The following PIEZO2 variants were observed in gnomAD, a reference collection of about 807,000 sequenced individuals.
The protein encoded by PIEZO2 is piezo type mechanosensitive ion channel component 2.
PIEZO2 carries 172 observed loss-of-function variants against 337.3 expected under a neutral mutation model. That is an observed-to-expected ratio of 0.51 (90% CI 0.45 to 0.58). The LOEUF (loss-of-function observed/expected upper bound fraction) is 0.58, where lower values mean the gene tolerates loss of function less well. Among genes scored for constraint, PIEZO2 ranks in the 20% least tolerant of loss-of-function variants. The probability of loss-of-function intolerance (pLI) is 0.00; values close to 1 mark genes in which losing one functional copy is unlikely to be tolerated. For synonymous variants in PIEZO2, 1,251 were observed against 1,228.5 expected (o/e 1.02, Z -0.38); for missense variants, 3,028 against 3,391.3 (o/e 0.89, Z 2.66).
At chr18:10,802,443 T>A (rs186824880) in intron 9 of PIEZO2, among the ~76,000 whole-genome samples, 69 of 152,278 alleles carry the variant, frequency 4.5e-4, no homozygotes, top group Middle Eastern at 6.8e-3. Context: ...ATTAAAAATT[T>A]AAAAAAACCC....
In PIEZO2 at chr18:10,853,874, C is replaced by T. The variant is rs191311066; in HGVS notation, c.917+1479G>A. Among the ~76,000 whole-genome samples the T allele has an allele frequency of 6.6e-6, 1 of 152,278 alleles. No homozygotes were observed. Among genetic ancestry groups the T allele is most frequent in the African/African-American group, 2.4e-5 (1 of 41,552 alleles). On this transcript the variant is annotated intron_variant, in intron 7 of 55. Transcript: ENST00000674853. The surrounding 1 kb of genome is among the most constrained non-coding windows in gnomAD (Gnocchi z 4.2). ...AACCATCATACACCTAAGAAATCAG[C>T]AATAATTCTATAGTCCAATATCCAG...
Position 10,714,863 on chromosome 18 carries a change from T to A in PIEZO2, c.5324A>T (p.Glu1775Val), listed in dbSNP as rs1489310258. The A allele has an allele frequency of 6.5e-7, 1 of 1,537,254 alleles. No individual in the cohort carries two copies. Among genetic ancestry groups the A allele is most frequent in the South Asian group, 1.2e-5 (1 of 84,048 alleles). ...YQNHIMNLSR[E>V]SGLDTIDEHP... ...CTCGTCAATGGTGTCCAGTCCCGAC[T>A]CTCTGGAAAGGTTCATGATGTGGTT... Residue 1775 changes from glutamate (E) to valine (V), a missense_variant, in exon 39 of 56, where the codon GAG (glutamate) becomes GTG (valine). Glu to Val is a moderately radical substitution (Grantham distance 121). Around this residue, in one of 5 missense-constraint regions of PIEZO2, gnomAD observed 1,925 missense variants for 2,051.9 expected, o/e 0.94. Transcript: ENST00000674853.
intron 7 of PIEZO2, among the ~76,000 whole-genome samples, chr18:10,817,486 A>G (rs1313451893): frequency 6.6e-6 from 1 of 152,220 alleles, no homozygotes; most frequent in Non-Finnish European, 1.5e-5. Flanking sequence ...TTTATAAGGC[A>G]CAATCTTGTT....
At position 10,791,260 on chromosome 18, in the gene PIEZO2, T is replaced by C; in HGVS notation, c.1823A>G (p.Gln608Arg). The change falls in exon 14 of 56, where the codon CAA (glutamine) becomes CGA (arginine). Residue 608 changes from glutamine (Q) to arginine (R), a missense_variant. Coordinates refer to ENST00000674853, the MANE Select transcript of PIEZO2 (RefSeq NM_001378183.1). ...RQHLTEQKAL[Q>R]EKEALLSEVK... Reference sequence around the variant, plus strand: ...TTCCGATAAAAGAGCTTCCTTTTCTTGCAGAGCTTTTTGCTCTGTGAGGTG... The same window carrying C: ...TTCCGATAAAAGAGCTTCCTTTTCTCGCAGAGCTTTTTGCTCTGTGAGGTG... The C allele has an allele frequency of 6.5e-7, 1 of 1,536,376 alleles. No homozygotes were observed. Among genetic ancestry groups the C allele is most frequent in the Non-Finnish European group, 8.7e-7 (1 of 1,146,440 alleles).
intron 2 of PIEZO2, among the ~76,000 whole-genome samples, chr18:11,053,453 C>G (rs2037603044): frequency 6.6e-6 from 1 of 152,128 alleles, no homozygotes. Context: ...ATAACAACAG[C>G]CCACTTAAAA....
At chr18:11,124,765 C>T (rs1282119182) in intron 1 of PIEZO2, among the ~76,000 whole-genome samples, 1 of 152,122 alleles carries the variant, frequency 6.6e-6, no homozygotes, top group African/African-American at 2.4e-5. Flanking sequence ...AACTCTGGCC[C>T]CTTTACCTGC....
At chr18:11,022,099 A>G (rs1210524040) in intron 2 of PIEZO2, among the ~76,000 whole-genome samples, 2 of 152,154 alleles carry the variant, frequency 1.3e-5, no homozygotes, top group African/African-American at 4.8e-5. Flanking sequence ...TGCCTAAAAT[A>G]AGGACTACGA....
At position 11,146,850 on chromosome 18, in the gene PIEZO2, A is replaced by G. The variant is rs8096410; in HGVS notation, c.64+1675T>C. Among the ~76,000 whole-genome samples, 4,473 of 152,212 alleles carry G rather than the reference A, an allele frequency of 0.029. 222 individuals carry two copies. Among genetic ancestry groups the G allele is most frequent in the African/African-American group, 0.1 (4,214 of 41,538 alleles). On this transcript the variant is annotated intron_variant, in intron 1 of 55. Transcript: ENST00000674853. The surrounding 1 kb of genome is among the most constrained non-coding windows in gnomAD (Gnocchi z 6.1). ...ATGGGGGATGGGGAAGAGGGTGTCC[A>G]TCCTCCAGGAACAGTGGCGAGGAGG...
intron 1 of PIEZO2, among the ~76,000 whole-genome samples, chr18:11,086,653 A>T (rs1319965427): frequency 6.6e-6 from 1 of 152,236 alleles, no homozygotes; most frequent in Non-Finnish European, 1.5e-5. Flanking sequence ...ACTTATTCTG[A>T]AGGAATTGAT....
chr18:10,726,802 C>T lies in PIEZO2; in HGVS notation c.5029+4605G>A, dbSNP rs2144025371. 1.9e-6 allele frequency: 3 copies of T among 1,553,994 alleles called. No homozygotes were observed. Among genetic ancestry groups the T allele is most frequent in the South Asian group, 1.1e-5 (1 of 88,066 alleles). The stretch of plus-strand genomic sequence containing the variant: ...GTCCTATGAGGATGTGGACCACCTG[C>T]GGCCCCATGGGGTGCTGGATAATAC... On this transcript the variant is annotated intron_variant, in intron 36 of 55. Coordinates refer to ENST00000674853, the MANE Select transcript of PIEZO2 (RefSeq NM_001378183.1). This position sits in a 1 kb window ranked among gnomAD's most constrained non-coding sequence, Gnocchi z 5.9.
chr18:11,075,447 C>G (rs1324746698), intron 1 of PIEZO2, among the ~76,000 whole-genome samples: 1 of 152,170 alleles, frequency 6.6e-6, no homozygotes, highest in Non-Finnish European at 1.5e-5. Flanking sequence ...ATTCTTTCCC[C>G]CATTATCTAC....
chr18:10,872,966 CTT>C lies in PIEZO2; in HGVS notation c.330-1553_330-1552del, dbSNP rs374657566. Among the ~76,000 whole-genome samples, 26 of 152,040 alleles carry C rather than the reference CTT, an allele frequency of 1.7e-4. No individual in the cohort carries two copies. The South Asian group carries it at 3.7e-3, about 22-fold the overall frequency. ...ATAGAACTTCAAAGGAGGGTTAAGT[CTT>C]TGAAAAAATGTTTATCAGAGATACA... is the stretch of plus-strand genomic sequence containing the variant. On this transcript the variant is annotated intron_variant, in intron 4 of 55. Transcript: ENST00000674853. This position sits in a 1 kb window ranked among gnomAD's most constrained non-coding sequence, Gnocchi z 4.3.
chr18:10,941,853 T>C (rs2032740604), intron 3 of PIEZO2, among the ~76,000 whole-genome samples: 2 of 152,214 alleles, frequency 1.3e-5, no homozygotes, highest in Non-Finnish European at 1.5e-5. Flanking sequence ...CCAAATCTCA[T>C]CTTGTAGCTC....
At chr18:11,015,762 T>C (rs746461920) in intron 2 of PIEZO2, among the ~76,000 whole-genome samples, 6 of 152,134 alleles carry the variant, frequency 3.9e-5, no homozygotes, top group Non-Finnish European at 7.4e-5. Context: ...ATCTGTTTAT[T>C]TGCATAGTGC....
intron 35 of PIEZO2, among the ~76,000 whole-genome samples, chr18:10,733,536 G>A (rs922720567): frequency 1.4e-5 from 2 of 146,694 alleles, no homozygotes; most frequent in Non-Finnish European, 3.0e-5. Flanking sequence ...TGCAAGCTCC[G>A]CCTCCCAGTT....
intron 15 of PIEZO2, 33 bp downstream of exon 15, chr18:10,789,046 T>A: frequency 6.6e-7 from 1 of 1,514,588 alleles, no homozygotes. Context: ...CTGGGAGAGA[T>A]GTGAGAATTA....
At position 10,815,744 on chromosome 18, in the gene PIEZO2, A is replaced by G. The variant is rs569527988; in HGVS notation, c.918-8470T>C. On this transcript the variant is annotated intron_variant, in intron 7 of 55. Coordinates refer to ENST00000674853, the MANE Select transcript of PIEZO2 (RefSeq NM_001378183.1). The surrounding 1 kb of genome is among the most constrained non-coding windows in gnomAD (Gnocchi z 4.1). Reference sequence around the variant, plus strand: ...AAGGAGAACAGTCTTCTGATGGTACATTATAGCTATAATCTAAATATTTAT... The same window carrying G: ...AAGGAGAACAGTCTTCTGATGGTACGTTATAGCTATAATCTAAATATTTAT... 6.6e-6 allele frequency among the ~76,000 whole-genome samples: 1 copy of G among 152,356 alleles called. No individual in the cohort carries two copies. Among genetic ancestry groups the G allele is most frequent in the Non-Finnish European group, 1.5e-5 (1 of 68,034 alleles).
At chr18:10,720,419 GTATA>G (rs74177567) in intron 36 of PIEZO2, among the ~76,000 whole-genome samples, 118 of 9,246 alleles carry the variant, frequency 0.013, 2 homozygotes, top group South Asian at 0.027. Flanking sequence ...GTATGTGTAT[GTATA>G]TATATATATA....
In PIEZO2 at chr18:10,756,169, A is replaced by G. The variant is rs181673980; in HGVS notation, c.3923+1800T>C. Among the ~76,000 whole-genome samples the G allele has an allele frequency of 6.3e-4, 91 of 144,214 alleles. 1 individual carries two copies. In the East Asian group the frequency reaches 0.014, roughly 23 times the overall value. 94.6% of individuals were successfully genotyped at this position (144,214 alleles called of 152,430 possible). A position where few individuals can be genotyped will look rare whatever the true frequency, so the allele number is the denominator to read the frequency against. On this transcript the variant is annotated intron_variant, in intron 27 of 55. Coordinates refer to ENST00000674853, the MANE Select transcript of PIEZO2 (RefSeq NM_001378183.1). ...GAGGATGAGAAAGAAATGGAAGAGA[A>G]GGAGGGATGAGGATGAGGCAGAGGC... is the stretch of plus-strand genomic sequence containing the variant.
Sources: gnomAD v4.1 joint callset for allele counts (sites outside exome capture counted in the v4.1 genomes callset) on GRCh38, gnomAD v4.1.1 for gene constraint, gnomAD v4.1.1 regional missense constraint, Gnocchi (gnomAD v3.1) non-coding constraint, MANE v1.5 for transcripts, NCBI Gene and HGNC (gene_info 2026-07-23, HGNC 2026-07-21) for gene names.